FAM227B: variants seen among roughly 807,000 people sequenced by gnomAD.
FAM227B encodes the protein protein FAM227B.
Under a neutral mutation model 73.8 loss-of-function variants are expected in FAM227B, and 88 were observed. The observed-to-expected ratio is 1.19, with a 90% CI of 1.00 to 1.42. FAM227B has a LOEUF of 1.42. Among genes scored for constraint, FAM227B ranks in the 40% most tolerant of loss-of-function variants. FAM227B has a pLI of 0.00. For synonymous variants in FAM227B, 210 were observed against 190.5 expected (o/e 1.10, Z -0.84); for missense variants, 632 against 590.9 (o/e 1.07, Z -0.72).
At chr15:49,472,715 C>T (rs2054888277) in intron 11 of FAM227B, among the ~76,000 whole-genome samples, 1 of 151,836 alleles carries the variant, frequency 6.6e-6, no homozygotes, top group Non-Finnish European at 1.5e-5. Context: ...AAAGATATGA[C>T]AAGAAGAGAA....
intron 10 of FAM227B, among the ~76,000 whole-genome samples, chr15:49,540,678 T>G (rs2070941615): frequency 6.6e-6 from 1 of 152,180 alleles, no homozygotes. Context: ...AGTCACATTG[T>G]GAGGTGTAGT....
intron 11 of FAM227B, among the ~76,000 whole-genome samples, chr15:49,431,203 T>C (rs894121376): frequency 1.3e-5 from 2 of 151,814 alleles, no homozygotes; most frequent in African/African-American, 4.8e-5. Context: ...ACATCTAACA[T>C]TTTTACCCCT....
At chr15:49,473,186 GGAATTTAGAAAGATGA>G (rs2054936974) in intron 11 of FAM227B, among the ~76,000 whole-genome samples, 1 of 152,042 alleles carries the variant, frequency 6.6e-6, no homozygotes, top group Admixed American at 6.6e-5. Flanking sequence ...ATGAATGCCA[GGAATTTAGAAAGATGA>G]GACAGATTTA....
intron 11 of FAM227B, chr15:49,424,573 G>A (rs1337618156): frequency 3.5e-6 from 5 of 1,409,044 alleles, no homozygotes; most frequent in South Asian, 2.6e-5. Flanking sequence ...AAGAGATGAA[G>A]AATAATTACA....
intron 11 of FAM227B, among the ~76,000 whole-genome samples, chr15:49,499,123 G>GTCACTGCA (rs2057903929): frequency 8.1e-6 from 1 of 122,942 alleles, no homozygotes; most frequent in African/African-American, 3.1e-5. Flanking sequence ...CCGAGATCCC[G>GTCACTGCA]CCACTGCACT....
At chr15:49,564,871 A>G in intron 9 of FAM227B, among the ~76,000 whole-genome samples, 1 of 151,940 alleles carries the variant, frequency 6.6e-6, no homozygotes, top group East Asian at 1.9e-4. Flanking sequence ...GTGAGGACTG[A>G]AAAACTCACT....
At chr15:49,471,903 C>T (rs1057400055) in intron 11 of FAM227B, among the ~76,000 whole-genome samples, 13 of 151,872 alleles carry the variant, frequency 8.6e-5, no homozygotes, top group South Asian at 2.1e-4. Context: ...ATGACAGCAC[C>T]GGAAGAAACT....
intron 13 of FAM227B, 63 bp from the exon 14 acceptor site, chr15:49,335,559 C>CTTCACAGAGGAACCA (rs1409421033): frequency 8.1e-7 from 1 of 1,234,656 alleles, no homozygotes; most frequent in African/African-American, 1.5e-5. Context: ...AAACAGTACC[C>CTTCACAGAGGAACCA]TTCACAGAGG....
chr15:49,501,025 TAG>T (rs1376488539), intron 11 of FAM227B, among the ~76,000 whole-genome samples: 1 of 152,218 alleles, frequency 6.6e-6, no homozygotes, highest in East Asian at 1.9e-4. Flanking sequence ...GTGCTTCCTG[TAG>T]AGCATCCAGA....
rs796713705 is a variant in FAM227B, at chr15:49,489,841, T to TTATATATA, written c.1012+18362_1012+18369dup. Reference sequence around the variant, plus strand: ...TATATTTTATATATATATATATATTTTATATATATATATATATTTTATATA... The same window carrying TTATATATA: ...TATATTTTATATATATATATATATTTTATATATATATATATATATATATATTTTATATA... On this transcript the variant is annotated intron_variant, in intron 11 of 15. Transcript: ENST00000299338. Among the ~76,000 whole-genome samples the TTATATATA allele has an allele frequency of 2.6e-4, 6 of 22,998 alleles. No individual in the cohort carries two copies. The East Asian group carries it at 0.013, about 50-fold the overall frequency. The allele number at this position is 22,998 out of a possible 152,430, so 15.1% of individuals were successfully genotyped here. A position where few individuals can be genotyped will look rare whatever the true frequency, so the allele number is the denominator to read the frequency against.
At chr15:49,452,720 T>C (rs1263343586) in intron 11 of FAM227B, among the ~76,000 whole-genome samples, 2 of 152,162 alleles carry the variant, frequency 1.3e-5, no homozygotes, top group African/African-American at 4.8e-5. Context: ...TCTTGGTTTC[T>C]TTATTGGGTG....
intron 11 of FAM227B, among the ~76,000 whole-genome samples, chr15:49,390,838 G>C (rs969169670): frequency 1.3e-5 from 2 of 151,922 alleles, no homozygotes; most frequent in African/African-American, 2.4e-5. Context: ...GTGACAACCA[G>C]TATGAACTGA....
chr15:49,376,593 G>T (rs2046178340), intron 11 of FAM227B, among the ~76,000 whole-genome samples: 1 of 151,946 alleles, frequency 6.6e-6, no homozygotes, highest in Non-Finnish European at 1.5e-5. Context: ...ACAGTGATTT[G>T]GTTATTCTTG....
At chr15:49,480,615 G>A (rs2055853548) in intron 11 of FAM227B, among the ~76,000 whole-genome samples, 1 of 151,492 alleles carries the variant, frequency 6.6e-6, no homozygotes, top group Non-Finnish European at 1.5e-5. Flanking sequence ...CTGAGTAGCT[G>A]GGATTACAGG....
chr15:49,525,707 T>C (rs1461634005), intron 10 of FAM227B, among the ~76,000 whole-genome samples: 25 of 82,474 alleles, frequency 3.0e-4, no homozygotes, highest in African/African-American at 9.7e-4. Flanking sequence ...TATATATATA[T>C]ATATATATAT....
chr15:49,603,289 T>C (rs922267591), intron 3 of FAM227B, among the ~76,000 whole-genome samples: 3 of 152,184 alleles, frequency 2.0e-5, no homozygotes, highest in African/African-American at 7.2e-5. Flanking sequence ...GGACTATCTT[T>C]CCATGTTTTG....
intron 11 of FAM227B, among the ~76,000 whole-genome samples, chr15:49,483,787 A>G (rs1421554269): frequency 6.6e-6 from 1 of 152,060 alleles, no homozygotes; most frequent in Admixed American, 6.6e-5. Context: ...TTGTATTCCC[A>G]CAGCTAGGCA....
chr15:49,395,583 T>C (rs1036546427), intron 11 of FAM227B, among the ~76,000 whole-genome samples: 3 of 152,198 alleles, frequency 2.0e-5, no homozygotes, highest in Non-Finnish European at 4.4e-5. Context: ...TGGACAATTA[T>C]GCAGGCAGTT....
At chr15:49,360,380 C>A (rs12593092) in intron 13 of FAM227B, among the ~76,000 whole-genome samples, 63,812 of 152,070 alleles carry the variant, frequency 0.42, 13,538 homozygotes, top group African/African-American at 0.45. Flanking sequence ...CTCATGTTAG[C>A]AATACAGATA....
Sources: allele counts gnomAD v4.1 joint callset (sites outside exome capture counted in the v4.1 genomes callset), GRCh38; gene constraint gnomAD v4.1.1; transcripts MANE v1.5; gene names NCBI Gene and HGNC (gene_info 2026-07-23, HGNC 2026-07-21).